CILP: variants seen among roughly 807,000 people sequenced by gnomAD.
The protein encoded by CILP is cartilage intermediate layer protein, also known as cartilage intermediate layer protein 1.
In CILP, 75 loss-of-function variants were observed where a neutral mutation model predicts 82.5. The observed-to-expected ratio is 0.91, with a 90% CI of 0.75 to 1.10. CILP has a LOEUF of 1.10. Ranked by LOEUF, CILP falls within the 50% of genes least tolerant of loss-of-function variation. CILP has a pLI of 0.00. For missense variants in CILP, 1,479 were observed against 1,530.8 expected (o/e 0.97, Z 0.56); for synonymous variants, 530 against 580.3 (o/e 0.91, Z 1.25).
intron 2 of CILP, 23 bp downstream of exon 2, chr15:65,209,672 G>A (rs762828060): frequency 1.4e-5 from 23 of 1,612,476 alleles, no homozygotes; most frequent in South Asian, 2.2e-5. Flanking sequence ...AGATTTGGGA[G>A]CCAGCAGATA....
Position 65,195,125 on chromosome 15 carries a change from G to A in CILP, c.*1606C>T, listed in dbSNP as rs1302804873. 1 of 152,168 alleles carries A rather than the reference G, an allele frequency of 6.6e-6. No homozygotes were observed. The highest frequency in any genetic ancestry group is 1.5e-5 in the Non-Finnish European group (1 of 68,050). The allele number at this position is 152,168 out of a possible 1,614,324, so 9.4% of individuals were successfully genotyped here. ...CCTGCAGATGCTTGCTTTTTCTATG[G>A]TTATTGTGATGTGCTCAGCTAGAGA... On this transcript the variant is annotated 3_prime_UTR_variant, in exon 9 of 9. Coordinates refer to ENST00000261883, the MANE Select transcript of CILP (RefSeq NM_003613.4).
chr15:65,207,616 C>G, intron 3 of CILP, 56 bp downstream of exon 3: 1 of 1,495,008 alleles, frequency 6.7e-7, no homozygotes. Flanking sequence ...AGATCCACTT[C>G]GGAAGCTCGT....
At position 65,198,772 on chromosome 15, in the gene CILP, A is replaced by T; in HGVS notation, c.1514T>A (p.Met505Lys). The T allele has an allele frequency of 6.2e-7, 1 of 1,614,120 alleles. No homozygotes were observed. Among genetic ancestry groups the T allele is most frequent in the Non-Finnish European group, 8.5e-7 (1 of 1,180,020 alleles). Residue 505 changes from methionine to lysine, a missense_variant, in exon 9 of 9, where the codon ATG becomes AAG. Met to Lys is a moderately conservative substitution (Grantham distance 95). Coordinates refer to ENST00000261883, the MANE Select transcript of CILP (RefSeq NM_003613.4). The stretch of plus-strand genomic sequence containing the variant: ...CCCCATGTACACATGGCCAAAGCGC[A>T]TGGGCTCCCCATTGTCAGCAGCACT... ...RVSAADNGEP[M>K]RFGHVYMGNS... is the part of the protein sequence containing the mutation.
chr15:65,209,779 GTGGCA>G lies in CILP; in HGVS notation c.-29_-25del. The G allele has an allele frequency of 6.2e-7, 1 of 1,612,700 alleles. No individual in the cohort carries two copies. The highest frequency in any genetic ancestry group is 8.5e-7 in the Non-Finnish European group (1 of 1,178,772). On this transcript the variant is annotated 5_prime_UTR_variant, in exon 2 of 9. Transcript: ENST00000261883. ...ATCTTTCCCCCAAGCCCGTGGGAAC[GTGGCA>G]AGAGGTAGATGTGGGTGCTTCACAG...
chr15:65,210,197 C>T (rs1011258088), intron 1 of CILP, among the ~76,000 whole-genome samples: 4 of 152,096 alleles, frequency 2.6e-5, no homozygotes, highest in African/African-American at 9.7e-5. Flanking sequence ...TTCTAAAACC[C>T]AGGCCTGAGG....
In CILP at chr15:65,201,918, A is replaced by T. The variant is rs1362127423; in HGVS notation, c.1140T>A (p.Ser380Arg). 1 of 1,606,132 alleles carries T rather than the reference A, an allele frequency of 6.2e-7. No homozygotes were observed. Among genetic ancestry groups the T allele is most frequent in the Non-Finnish European group, 8.5e-7 (1 of 1,176,982 alleles). ...CCTTGGACTTCACAGCCCCAGCATC[A>T]CTCTGGGCCTTGCAAAAGTACTCCC... ...QAGEYFCKAQ[S>R]DAGAVKSKVA... is the part of the protein sequence containing the mutation. Residue 380 changes from serine (S) to arginine (R), a missense_variant, in exon 8 of 9, where the codon AGT (serine) becomes AGA (arginine). Physicochemically the swap from Ser to Arg is moderately radical, Grantham distance 110 (BLOSUM62 -1). Transcript: ENST00000261883.
Position 65,209,767 on chromosome 15 carries a change from G to C in CILP, c.-12C>G. 4 of 1,613,932 alleles carry C rather than the reference G, an allele frequency of 2.5e-6. No individual in the cohort carries two copies. Among genetic ancestry groups the C allele is most frequent in the Non-Finnish European group, 3.4e-6 (4 of 1,179,912 alleles). ...TTGGTCCCCACCATCTTTCCCCCAA[G>C]CCCGTGGGAACGTGGCAAGAGGTAG... is the stretch of plus-strand genomic sequence containing the variant. On this transcript the variant is annotated 5_prime_UTR_variant, in exon 2 of 9. Transcript: ENST00000261883.
chr15:65,197,358 A>G lies in CILP; in HGVS notation c.2928T>C (p.Thr976=), dbSNP rs1222593874. The G allele has an allele frequency of 6.2e-7, 1 of 1,614,178 alleles. No individual in the cohort carries two copies. Among genetic ancestry groups the G allele is most frequent in the African/African-American group, 1.3e-5 (1 of 75,042 alleles). The change falls in exon 9 of 9, where the codon ACT becomes ACC. Residue 976 remains threonine, a synonymous_variant. Transcript: ENST00000261883. ...VNVRSRNMGG[T]HRQTVGKLYG... The stretch of plus-strand genomic sequence containing the variant: ...ACAGCTTCCCCACTGTCTGCCGATG[A>G]GTGCCCCCCATGTTGCGGGATCGCA...
At chr15:65,201,267 G>T (rs1338580820) in intron 8 of CILP, among the ~76,000 whole-genome samples, 1 of 152,084 alleles carries the variant, frequency 6.6e-6, no homozygotes, top group Non-Finnish European at 1.5e-5. Context: ...CTCCCAAAGT[G>T]CTGGGATTAC....
chr15:65,197,726 G>C lies in CILP; in HGVS notation c.2560C>G (p.Leu854Val). The C allele has an allele frequency of 6.2e-7, 1 of 1,612,716 alleles. No homozygotes were observed. The highest frequency in any genetic ancestry group is 8.5e-7 in the Non-Finnish European group (1 of 1,180,030). Residue 854 changes from leucine to valine, a missense_variant, in exon 9 of 9, where the codon CTC becomes GTC. By Grantham distance (32) the Leu-to-Val change is conservative (BLOSUM62 1). Transcript: ENST00000261883. Reference sequence around the variant, plus strand: ...GTCCGACGGTAGTTGAGCTTGTTGAGATAGGGCTGAGGGACGCCAATTGCA... The same window carrying C: ...GTCCGACGGTAGTTGAGCTTGTTGACATAGGGCTGAGGGACGCCAATTGCA... The part of the protein sequence containing the change: ...PNAIGVPQPY[L>V]NKLNYRRTDH...
intron 4 of CILP, 81 bp downstream of exon 4, chr15:65,206,701 G>T: frequency 6.8e-7 from 1 of 1,476,936 alleles, no homozygotes. Context: ...GAGAGTTCTG[G>T]TGGCCAGAGG....
chr15:65,205,254 C>A, intron 5 of CILP, 33 bp downstream of exon 5: 1 of 1,569,960 alleles, frequency 6.4e-7, no homozygotes. Context: ...TCACCCACCA[C>A]ACCCTGCCCA....
chr15:65,203,452 A>T lies in CILP; in HGVS notation c.938T>A (p.Met313Lys). The T allele has an allele frequency of 6.2e-7, 1 of 1,612,556 alleles. No individual in the cohort carries two copies. The highest frequency in any genetic ancestry group is 8.5e-7 in the Non-Finnish European group (1 of 1,179,908). ...TCTCCGTGCTTTTGTCTCAGGGTTC[A>T]TCACCATGTATGGAGTCTCTGGGAC... ...FVRAETPYMV[M>K]NPETKARRAG... is the part of the protein sequence containing the mutation. The change falls in exon 7 of 9, where the codon ATG becomes AAG. Residue 313 changes from methionine to lysine, a missense_variant. Coordinates refer to ENST00000261883, the MANE Select transcript of CILP (RefSeq NM_003613.4).
chr15:65,208,256 C>A (rs8031591), intron 2 of CILP, among the ~76,000 whole-genome samples: 1 of 152,092 alleles, frequency 6.6e-6, no homozygotes, highest in Non-Finnish European at 1.5e-5. Context: ...TGAGCTAGAA[C>A]GTAAAAGCCT....
At position 65,195,050 on chromosome 15, in the gene CILP, G is replaced by A. The variant is rs1477726869; in HGVS notation, c.*1681C>T. Reference sequence around the variant, plus strand: ...TTCCTGGGAGCAGTGGGACAGATGTGGAGTCTGGAAGTGGGTCAAGTTGCA... The same window carrying A: ...TTCCTGGGAGCAGTGGGACAGATGTAGAGTCTGGAAGTGGGTCAAGTTGCA... On this transcript the variant is annotated 3_prime_UTR_variant, in exon 9 of 9. Coordinates refer to ENST00000261883, the MANE Select transcript of CILP (RefSeq NM_003613.4). 6.6e-6 allele frequency: 1 copy of A among 152,244 alleles called. No homozygotes were observed. The highest frequency in any genetic ancestry group is 1.5e-5 in the Non-Finnish European group (1 of 68,098). The allele number at this position is 152,244 out of a possible 1,614,324, so 9.4% of individuals were successfully genotyped here. A position where few individuals can be genotyped will look rare whatever the true frequency, so the allele number is the denominator to read the frequency against.
chr15:65,211,147 C>T (rs1241844123), intron 1 of CILP, among the ~76,000 whole-genome samples: 4 of 152,148 alleles, frequency 2.6e-5, no homozygotes, highest in South Asian at 2.1e-4. Context: ...ACTGGCTGAC[C>T]GCAGGGAATA....
chr15:65,200,751 A>T (rs894492), intron 8 of CILP, among the ~76,000 whole-genome samples: 147 of 152,330 alleles, frequency 9.7e-4, no homozygotes, highest in Non-Finnish European at 1.6e-3. Context: ...GTTTTAAACT[A>T]TGCATGCCCA....
chr15:65,208,164 A>G (rs2140683362), intron 2 of CILP, among the ~76,000 whole-genome samples: 1 of 152,262 alleles, frequency 6.6e-6, no homozygotes, highest in South Asian at 2.1e-4. Context: ...TCTTGGCAAA[A>G]TGGAGCTTTG....
Position 65,196,977 on chromosome 15 carries a change from G to A in CILP, c.3309C>T (p.Ser1103=). 6.2e-7 allele frequency: 1 copy of A among 1,614,164 alleles called. No individual in the cohort carries two copies. Among genetic ancestry groups the A allele is most frequent in the African/African-American group, 1.3e-5 (1 of 75,050 alleles). Residue 1103 remains serine, a synonymous_variant, in exon 9 of 9, where the codon TCC becomes TCT. Transcript: ENST00000261883. ...GRCFDGTSDG[S]SRIMKSNVGV... ...CCACATTGCTCTTCATGATTCTGGA[G>A]GAGCCATCGGATGTGCCATCAAAGC...
Sources: allele counts gnomAD v4.1 joint callset (sites outside exome capture counted in the v4.1 genomes callset), GRCh38; gene constraint gnomAD v4.1.1; transcripts MANE v1.5; gene names NCBI Gene and HGNC (gene_info 2026-07-23, HGNC 2026-07-21).